CTIF: variants seen among roughly 807,000 people sequenced by gnomAD.
CTIF encodes the protein CBP80/20-dependent translation initiation factor.
CTIF carries 21 observed loss-of-function variants against 66.0 expected under a neutral mutation model. The ratio of observed to expected loss-of-function variants is 0.32; its 90% confidence interval spans 0.23 to 0.46. The LOEUF is 0.46. Ranked by LOEUF, CTIF falls within the 20% of genes least tolerant of loss-of-function variation. CTIF has a pLI of 1.00. For missense variants in CTIF, 739 were observed against 812.7 expected, an observed-to-expected ratio of 0.91 and a Z score of 1.10; for synonymous variants, 345 against 326.4, an observed-to-expected ratio of 1.06 and a Z score of -0.62.
At chr18:48,652,672 G>A (rs568049035) in intron 3 of CTIF, among the ~76,000 whole-genome samples, 4 of 152,052 alleles carry the variant, frequency 2.6e-5, no homozygotes, top group East Asian at 3.9e-4. Context: ...GCAGAGACAC[G>A]ACAAAAAAAG....
At chr18:48,765,403 C>A (rs113695955) in intron 9 of CTIF, among the ~76,000 whole-genome samples, 22 of 152,232 alleles carry the variant, frequency 1.4e-4, no homozygotes, top group African/African-American at 5.3e-4. Flanking sequence ...AAGTTCTGGG[C>A]CCCGGCTTAG....
At chr18:48,572,500 G>C (rs1316622848) in intron 1 of CTIF, among the ~76,000 whole-genome samples, 1 of 152,152 alleles carries the variant, frequency 6.6e-6, no homozygotes, top group African/African-American at 2.4e-5. Flanking sequence ...GGCTCAGAGA[G>C]GTAAATTAAA....
At chr18:48,601,236 G>A (rs1054095933) in intron 1 of CTIF, among the ~76,000 whole-genome samples, 3 of 152,216 alleles carry the variant, frequency 2.0e-5, no homozygotes, top group Admixed American at 6.5e-5. Context: ...GGTCCAGCCC[G>A]GCGATTCCAG....
At chr18:48,604,647 CG>C (rs1568066756) in intron 1 of CTIF, among the ~76,000 whole-genome samples, 1 of 152,032 alleles carries the variant, frequency 6.6e-6, no homozygotes, top group Non-Finnish European at 1.5e-5. Context: ...TATTCAGATT[CG>C]ATTTATATAT....
At position 48,861,799 on chromosome 18, in the gene CTIF, G is replaced by A. The variant is rs1164468680; in HGVS notation, c.*2240G>A. ...CTCCGAACGGGCTCCTTGATGGCCT[G>A]GCCACAGGGGCAGCTCCCCATTGGC... On this transcript the variant is annotated 3_prime_UTR_variant, in exon 12 of 12. Coordinates refer to ENST00000256413, the MANE Select transcript of CTIF (RefSeq NM_014772.3). 1 of 152,300 alleles carries A rather than the reference G, an allele frequency of 6.6e-6. No individual in the cohort carries two copies. 9.4% of individuals were successfully genotyped at this position (152,300 alleles called of 1,614,324 possible).
chr18:48,826,465 G>C (rs899928182), intron 10 of CTIF: 1 of 152,200 alleles, frequency 6.6e-6, no homozygotes, highest in Non-Finnish European at 1.5e-5. Flanking sequence ...CCTGGCTCTT[G>C]CCCACCTTCA....
chr18:48,829,507 G>A (rs1182511098), intron 10 of CTIF, among the ~76,000 whole-genome samples: 1 of 151,806 alleles, frequency 6.6e-6, no homozygotes, highest in Non-Finnish European at 1.5e-5. Flanking sequence ...CACCTTAAGG[G>A]AGGATCCAGG....
chr18:48,627,121 AAGT>A (rs1461395104), intron 2 of CTIF, among the ~76,000 whole-genome samples: 1 of 152,208 alleles, frequency 6.6e-6, no homozygotes, highest in East Asian at 1.9e-4. Context: ...GCATACATGT[AAGT>A]TTTATGATCT....
intron 9 of CTIF, among the ~76,000 whole-genome samples, chr18:48,800,737 G>A (rs566273234): frequency 1.4e-4 from 22 of 152,340 alleles, no homozygotes; most frequent in Middle Eastern, 3.4e-3. Flanking sequence ...AACGTGAGAC[G>A]GTAGAAGACC....
chr18:48,590,415 G>T (rs1190983632), intron 1 of CTIF, among the ~76,000 whole-genome samples: 1 of 152,254 alleles, frequency 6.6e-6, no homozygotes, highest in Admixed American at 6.5e-5. Flanking sequence ...AAGGGGGCTG[G>T]GAAGAAAGTG....
chr18:48,704,503 T>A (rs1015515042), intron 6 of CTIF, among the ~76,000 whole-genome samples: 2 of 152,174 alleles, frequency 1.3e-5, no homozygotes, highest in Non-Finnish European at 2.9e-5. Flanking sequence ...GACCGCAAAC[T>A]GGGTGACTTA....
rs780856135 is a variant in CTIF, at chr18:48,603,628, A to AGGAT, written c.-28-15888_-28-15885dup. On this transcript the variant is annotated intron_variant, in intron 1 of 11. Transcript: ENST00000256413. ...ATGGGTGGGTGGGTGGATGGATGGA[A>AGGAT]GGATGGATGGATGGATGGATGGATG... Among the ~76,000 whole-genome samples, 161 of 120,942 alleles carry AGGAT rather than the reference A, an allele frequency of 1.3e-3. 1 individual carries two copies. The South Asian group carries it at 0.018, about 14-fold the overall frequency. The allele number at this position is 120,942 out of a possible 152,430, so 79.3% of individuals were successfully genotyped here.
chr18:48,830,767 C>T (rs1448959370), intron 10 of CTIF, among the ~76,000 whole-genome samples: 1 of 151,740 alleles, frequency 6.6e-6, no homozygotes, highest in African/African-American at 2.4e-5. Context: ...TGTCCCCCCA[C>T]CACTGTCCCC....
intron 10 of CTIF, among the ~76,000 whole-genome samples, chr18:48,853,490 G>A (rs182327060): frequency 2.0e-5 from 3 of 152,328 alleles, no homozygotes; most frequent in African/African-American, 7.2e-5. Context: ...AGCCCATACT[G>A]TTCCCTCCCC....
intron 3 of CTIF, among the ~76,000 whole-genome samples, chr18:48,650,839 A>G (rs1446775953): frequency 3.2e-5 from 1 of 31,644 alleles, no homozygotes; most frequent in Non-Finnish European, 9.9e-5. Context: ...TAAAGAAAAG[A>G]ATTTTCAAAA....
rs553897634 is a variant in CTIF at position 48,841,511 on chromosome 18, C to T, written c.1528-16077C>T. The stretch of plus-strand genomic sequence containing the variant: ...TACCCAGAGGAGGAAAGGACTGTTT[C>T]GCAAGCCAGGCCCGGCGTTCTGAGC... On this transcript the variant is annotated intron_variant, in intron 10 of 11. Coordinates refer to ENST00000256413, the MANE Select transcript of CTIF (RefSeq NM_014772.3). Among the ~76,000 whole-genome samples the T allele has an allele frequency of 2.0e-3, 308 of 152,344 alleles. 1 individual carries two copies. The highest frequency in any genetic ancestry group is 7.4e-3 in the Admixed American group (113 of 15,312).
At chr18:48,662,376 G>GGCTGCAA in intron 3 of CTIF, 1 of 152,082 alleles carries the variant, frequency 6.6e-6, no homozygotes, top group Middle Eastern at 3.4e-3. Flanking sequence ...TAGACCTGCA[G>GGCTGCAA]GCTGTTGGTG....
In CTIF at chr18:48,665,070, G is replaced by A. The variant is rs922603053; in HGVS notation, c.431+519G>A. ...GCTGGGACTACAGGCGCCCGCCACC[G>A]CGCCCGGCTAATTTTTTGTATTTTT... On this transcript the variant is annotated intron_variant, in intron 5 of 11. Coordinates refer to ENST00000256413, the MANE Select transcript of CTIF (RefSeq NM_014772.3). Among the ~76,000 whole-genome samples the A allele has an allele frequency of 4.6e-5, 7 of 151,450 alleles. 1 individual carries two copies. The highest frequency in any genetic ancestry group is 1.3e-4 in the Admixed American group (2 of 15,214).
intron 1 of CTIF, chr18:48,565,263 C>A (rs901182781): frequency 1.3e-5 from 2 of 152,058 alleles, no homozygotes; most frequent in African/African-American, 4.8e-5. Context: ...GCGTTCTTGG[C>A]GGAGAGGATC....
Sources: allele counts gnomAD v4.1 joint callset (sites outside exome capture counted in the v4.1 genomes callset), GRCh38; gene constraint gnomAD v4.1.1; transcripts MANE v1.5; gene names NCBI Gene and HGNC (gene_info 2026-07-23, HGNC 2026-07-21).